The following NEGR1 variants were observed in gnomAD, a reference collection of about 807,000 sequenced individuals.
The protein encoded by NEGR1 is neuronal growth regulator 1.
In NEGR1, 10 loss-of-function variants were observed where a neutral mutation model predicts 40.9. The ratio of observed to expected loss-of-function variants is 0.24; its 90% CI spans 0.15 to 0.42. The LOEUF is 0.42. Ranked by LOEUF, NEGR1 falls within the 10% of genes least tolerant of loss-of-function variation. NEGR1 has a pLI of 1.00. For missense variants in NEGR1, 352 were observed against 438.9 expected, an observed-to-expected ratio of 0.80 and a Z score of 1.77; for synonymous variants, 185 against 166.8, an observed-to-expected ratio of 1.11 and a Z score of -0.84.
In NEGR1 at chr1:71,528,328, T is replaced by C. The variant is rs118110547; in HGVS notation, c.940+64489A>G. Among the ~76,000 whole-genome samples, 174 of 151,492 alleles carry C rather than the reference T, an allele frequency of 1.1e-3. 3 individuals are homozygous for C. In the East Asian group the frequency reaches 0.027, roughly 23 times the overall value. ...TTCTTTAGTATGAAACTATAGAATATATCATATTAAGTAATGGATAGTTAT... is the reference window on the plus strand; with the variant it reads ...TTCTTTAGTATGAAACTATAGAATACATCATATTAAGTAATGGATAGTTAT... On this transcript the variant is annotated intron_variant, in intron 6 of 6. Transcript: ENST00000357731.
At chr1:72,218,969 C>A (rs764879472) in intron 1 of NEGR1, among the ~76,000 whole-genome samples, 2 of 152,008 alleles carry the variant, frequency 1.3e-5, no homozygotes, top group African/African-American at 4.8e-5. Flanking sequence ...AATGTTAGGA[C>A]TGACCAGGGC....
At chr1:71,598,404 T>C (rs1036318078) in intron 5 of NEGR1, among the ~76,000 whole-genome samples, 1 of 152,150 alleles carries the variant, frequency 6.6e-6, no homozygotes, top group Non-Finnish European at 1.5e-5. Flanking sequence ...AATGATACTA[T>C]CTGGATATAT....
intron 1 of NEGR1, among the ~76,000 whole-genome samples, chr1:71,951,160 C>T (rs1345003713): frequency 6.6e-6 from 1 of 151,918 alleles, no homozygotes; most frequent in Non-Finnish European, 1.5e-5. Context: ...GAAATGCACA[C>T]TGCTCCAATA....
At position 71,835,309 on chromosome 1, in the gene NEGR1, CTCTA is replaced by C. The variant is rs372714624; in HGVS notation, c.410-59016_410-59013del. Reference sequence around the variant, plus strand: ...AAGATTTGCAGAATGGGCAAACAGACTCTATCTCTTATCTGGAAGAACTACAAAG... The same window carrying C: ...AAGATTTGCAGAATGGGCAAACAGACTCTCTTATCTGGAAGAACTACAAAG... On this transcript the variant is annotated intron_variant, in intron 2 of 6. Coordinates refer to ENST00000357731, the MANE Select transcript of NEGR1 (RefSeq NM_173808.3). 2.0e-3 allele frequency among the ~76,000 whole-genome samples: 311 copies of C among 152,206 alleles called. 5 individuals are homozygous for C. Among genetic ancestry groups the C allele is most frequent in the African/African-American group, 7.1e-3 (294 of 41,534 alleles).
intron 1 of NEGR1, among the ~76,000 whole-genome samples, chr1:72,030,909 A>ATTTC (rs1428701677): frequency 6.6e-6 from 1 of 152,208 alleles, no homozygotes; most frequent in African/African-American, 2.4e-5. Context: ...ACTGAAGGAA[A>ATTTC]GATGCTCTTC....
Position 71,596,015 on chromosome 1 carries a change from C to T in NEGR1, c.789-3047G>A, listed in dbSNP as rs1046045699. ...TACAATGAAATATGCTTTCTTATAGCCCCTGCCAAACCCTGCCCCTCCCTG... is the reference window on the plus strand; with the variant it reads ...TACAATGAAATATGCTTTCTTATAGTCCCTGCCAAACCCTGCCCCTCCCTG... On this transcript the variant is annotated intron_variant, in intron 5 of 6. Transcript: ENST00000357731. Among the ~76,000 whole-genome samples, 3 of 146,694 alleles carry T rather than the reference C, an allele frequency of 2.0e-5. No homozygotes were observed. The East Asian group carries it at 6.0e-4, about 29-fold the overall frequency.
intron 5 of NEGR1, among the ~76,000 whole-genome samples, chr1:71,595,681 G>T (rs531934978): frequency 6.6e-6 from 1 of 152,290 alleles, no homozygotes; most frequent in African/African-American, 2.4e-5. Context: ...TCTTGAGAAG[G>T]TCAGAGCCAA....
At chr1:72,273,181 G>A (rs999090001) in intron 1 of NEGR1, among the ~76,000 whole-genome samples, 1 of 151,952 alleles carries the variant, frequency 6.6e-6, no homozygotes, top group African/African-American at 2.4e-5. Context: ...CTACCTCTAG[G>A]AGATGGTTAA....
intron 2 of NEGR1, chr1:71,798,350 G>T (rs979638763): frequency 6.6e-6 from 1 of 151,740 alleles, no homozygotes; most frequent in Non-Finnish European, 1.5e-5. Context: ...AGATACAGAG[G>T]TTAAACATAA....
At chr1:71,855,706 C>A (rs1659737880) in intron 2 of NEGR1, among the ~76,000 whole-genome samples, 1 of 143,262 alleles carries the variant, frequency 7.0e-6, no homozygotes, top group Non-Finnish European at 1.5e-5. Context: ...TTACACTTTT[C>A]TTTTAAGGTG....
intron 2 of NEGR1, among the ~76,000 whole-genome samples, chr1:71,863,357 G>T (rs12025922): frequency 0.24 from 36,292 of 151,982 alleles, 4,636 homozygotes; most frequent in East Asian, 0.5. Flanking sequence ...AACAGAAGAA[G>T]AAACACTACA....
intron 1 of NEGR1, among the ~76,000 whole-genome samples, chr1:72,154,384 T>A (rs1651281958): frequency 6.6e-6 from 1 of 152,024 alleles, no homozygotes; most frequent in African/African-American, 2.4e-5. Flanking sequence ...GTTGAGCCAG[T>A]GTTCTCAGAA....
intron 1 of NEGR1, among the ~76,000 whole-genome samples, chr1:72,110,655 G>T (rs1649325135): frequency 6.6e-6 from 1 of 151,548 alleles, no homozygotes; most frequent in Non-Finnish European, 1.5e-5. Context: ...TTCAAAGTAA[G>T]TAATTCCATT....
At chr1:71,517,618 TC>T (rs1259095427) in intron 6 of NEGR1, among the ~76,000 whole-genome samples, 2 of 143,350 alleles carry the variant, frequency 1.4e-5, no homozygotes, top group Non-Finnish European at 3.0e-5. Flanking sequence ...ACAGCCAATA[TC>T]ATACTGAATG....
chr1:71,819,925 G>T, intron 2 of NEGR1, among the ~76,000 whole-genome samples: 1 of 152,044 alleles, frequency 6.6e-6, no homozygotes, highest in African/African-American at 2.4e-5. Context: ...ACAATGACAC[G>T]GCATCAGTAA....
At chr1:71,732,529 C>T (rs879412734) in intron 3 of NEGR1, among the ~76,000 whole-genome samples, 8 of 150,262 alleles carry the variant, frequency 5.3e-5, no homozygotes, top group Non-Finnish European at 7.4e-5. Flanking sequence ...TGCGCGCGCG[C>T]GCCAGCTTGT....
At chr1:72,180,426 A>T (rs918582944) in intron 1 of NEGR1, among the ~76,000 whole-genome samples, 3 of 151,656 alleles carry the variant, frequency 2.0e-5, no homozygotes, top group African/African-American at 7.2e-5. Context: ...AAAAAAAAAA[A>T]TACCAAAATC....
chr1:71,874,955 C>T (rs1048722354), intron 2 of NEGR1, among the ~76,000 whole-genome samples: 27 of 152,012 alleles, frequency 1.8e-4, no homozygotes, highest in African/African-American at 6.3e-4. Flanking sequence ...ATCAATCCTC[C>T]TCCCTCAGCC....
intron 1 of NEGR1, among the ~76,000 whole-genome samples, chr1:72,226,354 C>T (rs893000689): frequency 1.3e-5 from 2 of 151,900 alleles, no homozygotes; most frequent in South Asian, 2.1e-4. Context: ...TCAAAAGTTA[C>T]GTTTTACAAA....
Sources: allele counts gnomAD v4.1 joint callset (sites outside exome capture counted in the v4.1 genomes callset), GRCh38; gene constraint gnomAD v4.1.1; transcripts MANE v1.5; gene names NCBI Gene and HGNC (gene_info 2026-07-23, HGNC 2026-07-21).